Variants in EXOC6B observed in about 807,000 individuals in gnomAD.
EXOC6B encodes exocyst complex component 6B.
Under a neutral mutation model 113.5 loss-of-function variants are expected in EXOC6B, and 54 were observed. That is an observed-to-expected ratio of 0.48 (90% CI 0.38 to 0.60). The LOEUF is 0.60. Ranked by LOEUF, EXOC6B falls within the 20% of genes least tolerant of loss-of-function variation. The probability of loss-of-function intolerance (pLI) is 0.00; values close to 1 mark genes in which losing one functional copy is unlikely to be tolerated. For missense variants in EXOC6B, 797 were observed against 977.5 expected (o/e 0.82, Z 2.46); for synonymous variants, 357 against 339.0 (o/e 1.05, Z -0.58).
chr2:72,621,739 T>C (rs1671758827), intron 6 of EXOC6B, among the ~76,000 whole-genome samples: 1 of 152,220 alleles, frequency 6.6e-6, no homozygotes, highest in Non-Finnish European at 1.5e-5. Flanking sequence ...TAGAATTCTT[T>C]GTCTCACATG....
At chr2:72,494,357 C>T (rs965882413) in intron 15 of EXOC6B, among the ~76,000 whole-genome samples, 1 of 151,818 alleles carries the variant, frequency 6.6e-6, no homozygotes, top group African/African-American at 2.4e-5. Context: ...GGGATGGAAA[C>T]CCAGGGTAAA....
At chr2:72,276,257 G>A (rs1359783118) in intron 20 of EXOC6B, among the ~76,000 whole-genome samples, 1 of 152,156 alleles carries the variant, frequency 6.6e-6, no homozygotes, top group Non-Finnish European at 1.5e-5. Flanking sequence ...CTCAAAAGCA[G>A]CCTTGTATTA....
At chr2:72,249,112 T>C (rs1291990874) in intron 20 of EXOC6B, among the ~76,000 whole-genome samples, 1 of 152,020 alleles carries the variant, frequency 6.6e-6, no homozygotes, top group South Asian at 2.1e-4. Flanking sequence ...AAACAAATTT[T>C]AAAATTAGCC....
intron 6 of EXOC6B, among the ~76,000 whole-genome samples, chr2:72,680,774 T>C (rs988864905): frequency 2.6e-5 from 4 of 152,010 alleles, no homozygotes; most frequent in African/African-American, 7.2e-5. Flanking sequence ...ACTCCAATCT[T>C]CATCATTATT....
intron 6 of EXOC6B, among the ~76,000 whole-genome samples, chr2:72,610,002 T>G (rs1235731361): frequency 6.6e-6 from 1 of 152,094 alleles, no homozygotes; most frequent in Non-Finnish European, 1.5e-5. Context: ...AATCTTGATC[T>G]GGTGAAGATA....
intron 20 of EXOC6B, among the ~76,000 whole-genome samples, chr2:72,291,350 G>T (rs1189815749): frequency 6.6e-6 from 1 of 152,210 alleles, no homozygotes; most frequent in Non-Finnish European, 1.5e-5. Flanking sequence ...TTAAAAGGCT[G>T]CCATGTCGGA....
At chr2:72,239,079 C>T (rs150640217) in intron 20 of EXOC6B, among the ~76,000 whole-genome samples, 269 of 152,084 alleles carry the variant, frequency 1.8e-3, no homozygotes, top group African/African-American at 6.0e-3. Flanking sequence ...TTTGTAGAGT[C>T]GAGGTTTCAC....
intron 8 of EXOC6B, among the ~76,000 whole-genome samples, chr2:72,542,401 G>T (rs1702654384): frequency 6.6e-6 from 1 of 152,140 alleles, no homozygotes. Context: ...CCTCCAGATT[G>T]CTGGTTTCAG....
intron 12 of EXOC6B, among the ~76,000 whole-genome samples, chr2:72,499,694 T>A (rs192520209): frequency 1.9e-3 from 295 of 152,086 alleles, no homozygotes; most frequent in African/African-American, 6.8e-3. Flanking sequence ...CTACTGGTGA[T>A]TTTTTATGTT....
intron 20 of EXOC6B, among the ~76,000 whole-genome samples, chr2:72,202,405 G>A (rs914414390): frequency 5.3e-5 from 8 of 152,190 alleles, no homozygotes; most frequent in Admixed American, 5.2e-4. Flanking sequence ...AATATAGACA[G>A]CAGCCCCTGG....
chr2:72,825,748 G>T lies in EXOC6B; in HGVS notation c.113+50C>A. On this transcript the variant is annotated intron_variant, in intron 1 of 21. Transcript: ENST00000272427. The surrounding 1 kb of genome is among the most constrained non-coding windows in gnomAD (Gnocchi z 4.4). The stretch of plus-strand genomic sequence containing the variant: ...CCGGAGGCCCGACCCAGAGGAGCCT[G>T]CCCCGTCCCGCCCGTTCCCGCCCCT... 6.4e-7 allele frequency: 1 copy of T among 1,569,792 alleles called. No homozygotes were observed. The highest frequency in any genetic ancestry group is 8.6e-7 in the Non-Finnish European group (1 of 1,160,814).
At chr2:72,448,919 GA>G (rs1379310267) in intron 18 of EXOC6B, among the ~76,000 whole-genome samples, 1 of 152,184 alleles carries the variant, frequency 6.6e-6, no homozygotes, top group Non-Finnish European at 1.5e-5. Flanking sequence ...TGGGCCGATA[GA>G]GAGTGTCATT....
chr2:72,323,203 C>T (rs1687940172), intron 20 of EXOC6B, among the ~76,000 whole-genome samples: 1 of 152,156 alleles, frequency 6.6e-6, no homozygotes, highest in African/African-American at 2.4e-5. Flanking sequence ...CAAAAGAAGA[C>T]ATTTATGCAG....
chr2:72,612,011 G>T (rs1447669629), intron 6 of EXOC6B, among the ~76,000 whole-genome samples: 1 of 152,140 alleles, frequency 6.6e-6, no homozygotes, highest in Non-Finnish European at 1.5e-5. Context: ...GGCCAGGCGT[G>T]GTGGCCCACG....
chr2:72,416,587 G>A (rs1315071224), intron 18 of EXOC6B, among the ~76,000 whole-genome samples: 4 of 152,198 alleles, frequency 2.6e-5, no homozygotes, highest in African/African-American at 7.2e-5. Flanking sequence ...TTTGCCCTGG[G>A]ACTGGGAAAC....
In EXOC6B at chr2:72,436,691, C is replaced by T. The variant is rs142825625; in HGVS notation, c.1980+28469G>A. On this transcript the variant is annotated intron_variant, in intron 18 of 21. Coordinates refer to ENST00000272427, the MANE Select transcript of EXOC6B (RefSeq NM_015189.3). Reference sequence around the variant, plus strand: ...TATCCTTTCTCCTGCTTGATCAATTCGGCTAATGATTCTTGTGTATGCTTC... The same window carrying T: ...TATCCTTTCTCCTGCTTGATCAATTTGGCTAATGATTCTTGTGTATGCTTC... Among the ~76,000 whole-genome samples, 858 of 151,984 alleles carry T rather than the reference C, an allele frequency of 5.6e-3. 7 individuals are homozygous for T. Among genetic ancestry groups the T allele is most frequent in the African/African-American group, 0.019 (791 of 41,438 alleles).
chr2:72,578,501 C>G (rs965170836), intron 6 of EXOC6B, among the ~76,000 whole-genome samples: 3 of 152,056 alleles, frequency 2.0e-5, no homozygotes, highest in African/African-American at 7.2e-5. Context: ...CTCAATCTAA[C>G]CCTTCCTACA....
chr2:72,760,146 T>C (rs1481228296), intron 1 of EXOC6B, among the ~76,000 whole-genome samples: 1 of 152,216 alleles, frequency 6.6e-6, no homozygotes, highest in African/African-American at 2.4e-5. Flanking sequence ...TCCTCTCATA[T>C]GCTCCTTCTC....
At chr2:72,740,026 A>C (rs967978758) in intron 2 of EXOC6B, among the ~76,000 whole-genome samples, 1 of 152,200 alleles carries the variant, frequency 6.6e-6, no homozygotes, top group Admixed American at 6.5e-5. Context: ...CAAACATGCT[A>C]ATATTTCTGC....
Sources: gnomAD v4.1 joint callset for allele counts (sites outside exome capture counted in the v4.1 genomes callset) on GRCh38, gnomAD v4.1.1 for gene constraint, Gnocchi (gnomAD v3.1) non-coding constraint, MANE v1.5 for transcripts, NCBI Gene and HGNC (gene_info 2026-07-23, HGNC 2026-07-21) for gene names.